DNM2: variants seen among roughly 807,000 people sequenced by gnomAD.
The protein encoded by DNM2 is dynamin 2, also known as dynamin-2.
DNM2 carries 15 observed loss-of-function variants against 99.0 expected under a neutral mutation model. That is an observed-to-expected ratio of 0.15 (90% CI 0.10 to 0.23). The LOEUF (loss-of-function observed/expected upper bound fraction) is 0.23. Ranked by LOEUF, DNM2 falls within the 10% of genes least tolerant of loss-of-function variation. DNM2 has a pLI of 1.00. For missense variants in DNM2, 742 were observed against 1,189.4 expected (o/e 0.62, Z 5.53); for synonymous variants, 525 against 481.2 (o/e 1.09, Z -1.19).
intron 14 of DNM2, 58 bp downstream of exon 14, chr19:10,808,638 C>G: frequency 6.4e-7 from 1 of 1,565,530 alleles, no homozygotes; most frequent in South Asian, 1.2e-5. Context: ...GATGGAGACC[C>G]CGCCCACCCC....
chr19:10,753,851 T>C (rs2070289570), intron 1 of DNM2, among the ~76,000 whole-genome samples: 1 of 151,976 alleles, frequency 6.6e-6, no homozygotes, highest in African/African-American at 2.4e-5. Flanking sequence ...GAGATGGGGT[T>C]GCACCATGTT....
At chr19:10,731,704 G>T (rs1272111494) in intron 1 of DNM2, among the ~76,000 whole-genome samples, 1 of 152,192 alleles carries the variant, frequency 6.6e-6, no homozygotes, top group Non-Finnish European at 1.5e-5. Flanking sequence ...ACTGAGAGAG[G>T]CCACGAGCCA....
chr19:10,802,261 C>T (rs776377317), intron 11 of DNM2, 27 bp from the exon 12 acceptor site: 5 of 1,613,760 alleles, frequency 3.1e-6, no homozygotes, highest in East Asian at 4.5e-5. Context: ...TGGCCTTGTA[C>T]TCACAGTGAC....
chr19:10,721,098 G>A (rs1473163995), intron 1 of DNM2, among the ~76,000 whole-genome samples: 3 of 151,922 alleles, frequency 2.0e-5, no homozygotes, highest in African/African-American at 4.8e-5. Context: ...GGCAGCTGCC[G>A]GCCAGTATGG....
rs2071110734 is a variant in DNM2, at chr19:10,775,112, T to G, written c.386-591T>G. On this transcript the variant is annotated intron_variant, in intron 3 of 20. Coordinates refer to ENST00000389253, the MANE Select transcript of DNM2 (RefSeq NM_001005361.3). This position sits in a 1 kb window ranked among gnomAD's most constrained non-coding sequence, Gnocchi z 4.3. ...TGTTTTTGTTTTTTTGAGACAGTCT[T>G]GCTCTGTCGCCCAGGCTGGAGTGCA... Among the ~76,000 whole-genome samples the G allele has an allele frequency of 6.6e-6, 1 of 150,836 alleles. No homozygotes were observed.
chr19:10,724,717 C>T (rs1224194515), intron 1 of DNM2, among the ~76,000 whole-genome samples: 1 of 152,176 alleles, frequency 6.6e-6, no homozygotes, highest in Admixed American at 6.6e-5. Context: ...GGAAGTAAAG[C>T]TGGTGGCGCT....
chr19:10,775,812 C>G lies in DNM2; in HGVS notation c.495C>G (p.Ser165Arg), dbSNP rs758407551. ...QIKDMILQFI[S>R]RESSLILAVT... The stretch of plus-strand genomic sequence containing the variant: ...AGGACATGATCCTGCAGTTCATCAG[C>G]CGGGAGAGCAGCCTCATTCTGGCTG... The change falls in exon 4 of 21, where the codon AGC (serine) becomes AGG (arginine). Residue 165 changes from serine (S) to arginine (R), a missense_variant. Coordinates refer to ENST00000389253, the MANE Select transcript of DNM2 (RefSeq NM_001005361.3). This position sits in a 1 kb window ranked among gnomAD's most constrained non-coding sequence, Gnocchi z 4.3. The G allele has an allele frequency of 1.9e-5, 30 of 1,614,160 alleles. No individual in the cohort carries two copies. In the South Asian group the frequency reaches 3.3e-4, roughly 18 times the overall value.
chr19:10,793,615 T>G, intron 7 of DNM2, 105 bp from the exon 8 acceptor site: 1 of 1,604,520 alleles, frequency 6.2e-7, no homozygotes, highest in Non-Finnish European at 8.5e-7. Flanking sequence ...ATTTTGCTGC[T>G]GAAAAATGGT....
At chr19:10,763,615 CTG>C (rs2070706216) in intron 2 of DNM2, 1 of 152,586 alleles carries the variant, frequency 6.6e-6, no homozygotes, top group Non-Finnish European at 1.5e-5. Context: ...CGAGCCCAGC[CTG>C]TGAGTGTCTG....
intron 1 of DNM2, among the ~76,000 whole-genome samples, chr19:10,749,513 C>T (rs529131249): frequency 4.6e-5 from 7 of 152,308 alleles, no homozygotes; most frequent in Middle Eastern, 3.4e-3. Flanking sequence ...CAGGCCAAGC[C>T]GGTGGCTGGG....
intron 6 of DNM2, among the ~76,000 whole-genome samples, chr19:10,785,405 T>C (rs995897011): frequency 3.9e-5 from 6 of 151,998 alleles, no homozygotes; most frequent in Non-Finnish European, 2.9e-5. Context: ...GGAATTACAG[T>C]GTGAGCCACT....
rs2072540722 is a variant in DNM2, at chr19:10,811,437, GA to G, written c.1558-826del. 1 of 340,464 alleles carries G rather than the reference GA, an allele frequency of 2.9e-6. No homozygotes were observed. Among genetic ancestry groups the G allele is most frequent in the African/African-American group, 2.2e-5 (1 of 46,322 alleles). 21.1% of individuals were successfully genotyped at this position (340,464 alleles called of 1,614,324 possible). Reference sequence around the variant, plus strand: ...TGCCCTGCCATGCCCTGCACTGGGGGATGCAGGCCAGCCCTTCGCAGCTGTC... The same window carrying G: ...TGCCCTGCCATGCCCTGCACTGGGGGTGCAGGCCAGCCCTTCGCAGCTGTC... On this transcript the variant is annotated intron_variant, in intron 14 of 20. Coordinates refer to ENST00000389253, the MANE Select transcript of DNM2 (RefSeq NM_001005361.3). The surrounding 1 kb of genome is among the most constrained non-coding windows in gnomAD (Gnocchi z 5.4).
At position 10,820,112 on chromosome 19, in the gene DNM2, G is replaced by C. The variant is rs2072924283; in HGVS notation, c.1781+23G>C. On this transcript the variant is annotated intron_variant, in intron 16 of 20. Transcript: ENST00000389253. The surrounding 1 kb of genome is among the most constrained non-coding windows in gnomAD (Gnocchi z 4.3). Reference sequence around the variant, plus strand: ...GAGGTGAGGGGCCCAGGGGCCTGGGGATGGCTCGGGGTGAAGACCAATGGC... The same window carrying C: ...GAGGTGAGGGGCCCAGGGGCCTGGGCATGGCTCGGGGTGAAGACCAATGGC... 2.5e-6 allele frequency: 4 copies of C among 1,612,220 alleles called. No homozygotes were observed. In the African/African-American group the frequency reaches 5.3e-5, roughly 22 times the overall value.
chr19:10,812,440 G>A lies in DNM2; in HGVS notation c.1671+63G>A, dbSNP rs1346792811. 11 of 1,399,348 alleles carry A rather than the reference G, an allele frequency of 7.9e-6. No homozygotes were observed. The highest frequency in any genetic ancestry group is 5.9e-5 in the Admixed American group (3 of 50,540). 86.7% of individuals were successfully genotyped at this position (1,399,348 alleles called of 1,614,324 possible). A position where few individuals can be genotyped will look rare whatever the true frequency, so the allele number is the denominator to read the frequency against. On this transcript the variant is annotated intron_variant, in intron 15 of 20. Transcript: ENST00000389253. This position sits in a 1 kb window ranked among gnomAD's most constrained non-coding sequence, Gnocchi z 4.0. ...GGGGCAGCCAGGGAAGAGCGGGTGG[G>A]CGCTCCCTCTGGGCAGAACTCAGTC...
intron 1 of DNM2, 39 bp downstream of exon 1, chr19:10,718,442 C>T: frequency 4.3e-6 from 6 of 1,384,578 alleles, no homozygotes; most frequent in Non-Finnish European, 4.7e-6. Flanking sequence ...GGGTGGCGGC[C>T]TAGGGCGCGG....
At chr19:10,829,997 T>C (rs2073277976) in intron 19 of DNM2, 130 bp from the exon 20 acceptor site, 2 of 1,371,346 alleles carry the variant, frequency 1.5e-6, no homozygotes, top group Non-Finnish European at 1.0e-6. Flanking sequence ...CAGGTTGGGG[T>C]GGGAGGATCC....
chr19:10,819,011 A>T (rs2072876845), intron 15 of DNM2, among the ~76,000 whole-genome samples: 2 of 152,038 alleles, frequency 1.3e-5, no homozygotes, highest in African/African-American at 4.8e-5. Context: ...TGCCACCCCC[A>T]GCTCCGTGAC....
At chr19:10,803,889 T>TCCTTG (rs2072244824) in intron 12 of DNM2, among the ~76,000 whole-genome samples, 1 of 152,098 alleles carries the variant, frequency 6.6e-6, no homozygotes, top group Non-Finnish European at 1.5e-5. Flanking sequence ...GGTGGAGTCC[T>TCCTTG]TAAACAAATT....
At chr19:10,793,968 A>C in intron 8 of DNM2, 113 bp downstream of exon 8, 1 of 1,558,652 alleles carries the variant, frequency 6.4e-7, no homozygotes, top group Non-Finnish European at 8.8e-7. Context: ...TCTAGGCCTG[A>C]ACTTGTGGTG....
Sources: gnomAD v4.1 joint callset for allele counts (sites outside exome capture counted in the v4.1 genomes callset) on GRCh38, gnomAD v4.1.1 for gene constraint, Gnocchi (gnomAD v3.1) non-coding constraint, MANE v1.5 for transcripts, NCBI Gene and HGNC (gene_info 2026-07-23, HGNC 2026-07-21) for gene names.